The following AGAP1 variants were observed in gnomAD, a reference collection of about 807,000 sequenced individuals.
AGAP1 encodes ArfGAP with GTPase domain, ankyrin repeat and PH domain 1, also known as arf-GAP with GTPase, ANK repeat and PH domain-containing protein 1.
AGAP1 carries 29 observed loss-of-function variants against 105.3 expected under a neutral mutation model. The observed-to-expected ratio is 0.28, with a 90% CI of 0.21 to 0.38. The LOEUF is 0.38. AGAP1 is among the 10% of genes least tolerant of loss of function. AGAP1 has a pLI of 1.00. For synonymous variants in AGAP1, 509 were observed against 485.9 expected (o/e 1.05, Z -0.63); for missense variants, 998 against 1,165.1 (o/e 0.86, Z 2.09).
chr2:236,061,685 CA>C lies in AGAP1; in HGVS notation c.2114+12405del, dbSNP rs1373120314. The stretch of plus-strand genomic sequence containing the variant: ...TAATGCAAAGTAGATTCCTGCTTGC[CA>C]GGTGCAGGGGAGGGAGGGGCAGTGG... On this transcript the variant is annotated intron_variant, in intron 16 of 17. Transcript: ENST00000304032. This position sits in a 1 kb window ranked among gnomAD's most constrained non-coding sequence, Gnocchi z 4.1. 1.3e-5 allele frequency among the ~76,000 whole-genome samples: 2 copies of C among 152,006 alleles called. No individual in the cohort carries two copies. Among genetic ancestry groups the C allele is most frequent in the African/African-American group, 4.8e-5 (2 of 41,388 alleles).
intron 6 of AGAP1, chr2:235,774,568 TA>T: frequency 3.2e-6 from 1 of 308,948 alleles, no homozygotes. Context: ...CTGTCGCATT[TA>T]AAATGGAAAT....
chr2:235,671,137 GCCCT>G lies in AGAP1; in HGVS notation c.164-38038_164-38035del, dbSNP rs1324976632. ...CGGTTCCGCAGCGGCTATGGGACCC[GCCCT>G]CCCGGGTCGGGAGCCTGCACGTGGC... On this transcript the variant is annotated intron_variant, in intron 1 of 17. Coordinates refer to ENST00000304032, the MANE Select transcript of AGAP1 (RefSeq NM_001037131.3). The G allele has an allele frequency of 9.0e-6, 11 of 1,227,768 alleles. No homozygotes were observed. The African/African-American group carries it at 1.7e-4, about 19-fold the overall frequency. The allele number at this position is 1,227,768 out of a possible 1,614,324, so 76.1% of individuals were successfully genotyped here.
At chr2:235,618,795 C>T (rs1231430579) in intron 1 of AGAP1, among the ~76,000 whole-genome samples, 1 of 152,096 alleles carries the variant, frequency 6.6e-6, no homozygotes, top group Non-Finnish European at 1.5e-5. Flanking sequence ...TAATAACGGC[C>T]CCCAAAGATG....
rs567113648 is a variant in AGAP1 at position 236,062,537 on chromosome 2, A to G, written c.2114+13256A>G. Among the ~76,000 whole-genome samples, 62 of 152,210 alleles carry G rather than the reference A, an allele frequency of 4.1e-4. No homozygotes were observed. Among genetic ancestry groups the G allele is most frequent in the African/African-American group, 1.5e-3 (62 of 41,532 alleles). On this transcript the variant is annotated intron_variant, in intron 16 of 17. Transcript: ENST00000304032. The surrounding 1 kb of genome is among the most constrained non-coding windows in gnomAD (Gnocchi z 4.2). ...ATCACACAGGCTTGAATGCAGTGGC[A>G]TGATCATAGCTTACTGCAACCCCAG...
intron 13 of AGAP1, among the ~76,000 whole-genome samples, chr2:236,016,110 C>T (rs1182118739): frequency 2.0e-5 from 3 of 152,020 alleles, no homozygotes; most frequent in Non-Finnish European, 4.4e-5. Flanking sequence ...ATTTTTTAAT[C>T]ATAATTTTTT....
rs1181006662 is a variant in AGAP1 at position 235,633,231 on chromosome 2, G to T, written c.164-75948G>T. Among the ~76,000 whole-genome samples, 2 of 152,176 alleles carry T rather than the reference G, an allele frequency of 1.3e-5. No homozygotes were observed. Among genetic ancestry groups the T allele is most frequent in the East Asian group, 3.9e-4 (2 of 5,192 alleles). On this transcript the variant is annotated intron_variant, in intron 1 of 17. Coordinates refer to ENST00000304032, the MANE Select transcript of AGAP1 (RefSeq NM_001037131.3). This position sits in a 1 kb window ranked among gnomAD's most constrained non-coding sequence, Gnocchi z 4.8. ...TACGGAATGAAGACCCGAAGATTCA[G>T]GGGAGGTCGTCTGTGTGCCTTGGTT...
Position 236,045,519 on chromosome 2 carries a change from G to A in AGAP1, c.1892-3540G>A, listed in dbSNP as rs1279649342. Among the ~76,000 whole-genome samples the A allele has an allele frequency of 1.3e-5, 2 of 152,236 alleles. No homozygotes were observed. The highest frequency in any genetic ancestry group is 4.8e-5 in the African/African-American group (2 of 41,454). Reference sequence around the variant, plus strand: ...CTGAGGCCCGGAGAGCAAGAGGCTTGCAGAGGACAAAGGTGGAAAGGCAGT... The same window carrying A: ...CTGAGGCCCGGAGAGCAAGAGGCTTACAGAGGACAAAGGTGGAAAGGCAGT... On this transcript the variant is annotated intron_variant, in intron 15 of 17. Coordinates refer to ENST00000304032, the MANE Select transcript of AGAP1 (RefSeq NM_001037131.3). This position sits in a 1 kb window ranked among gnomAD's most constrained non-coding sequence, Gnocchi z 6.9.
chr2:235,621,985 A>G lies in AGAP1; in HGVS notation c.164-87194A>G, dbSNP rs1946499088. 6.6e-6 allele frequency among the ~76,000 whole-genome samples: 1 copy of G among 151,988 alleles called. No homozygotes were observed. The highest frequency in any genetic ancestry group is 2.1e-4 in the South Asian group (1 of 4,808). On this transcript the variant is annotated intron_variant, in intron 1 of 17. Coordinates refer to ENST00000304032, the MANE Select transcript of AGAP1 (RefSeq NM_001037131.3). This position sits in a 1 kb window ranked among gnomAD's most constrained non-coding sequence, Gnocchi z 4.1. ...GACTCTGTCCTTTTTGTTGTAGCTG[A>G]TGGAGCAGAATTTTAAATGCATTCC...
intron 9 of AGAP1, among the ~76,000 whole-genome samples, chr2:235,820,592 ATTG>A (rs1958735497): frequency 1.3e-5 from 2 of 152,212 alleles, no homozygotes; most frequent in Admixed American, 1.3e-4. Context: ...TTTTTACCAT[ATTG>A]TTCAGTCTCT....
chr2:235,839,367 C>G (rs1274583981), intron 9 of AGAP1, among the ~76,000 whole-genome samples: 1 of 152,224 alleles, frequency 6.6e-6, no homozygotes, highest in Admixed American at 6.5e-5. Flanking sequence ...GAGTCACACT[C>G]ATTGGGCCTG....
chr2:235,516,070 G>GCTCCTGCTGCTGCTGCTGCTC (rs1553556314), intron 1 of AGAP1, among the ~76,000 whole-genome samples: 1 of 141,734 alleles, frequency 7.1e-6, no homozygotes, highest in African/African-American at 2.5e-5. Context: ...TGCTGCTGCT[G>GCTCCTGCTGCTGCTGCTGCTC]CTGCTGCTGC....
chr2:235,895,699 TTGGATGGATGGA>T (rs113317282), intron 10 of AGAP1, among the ~76,000 whole-genome samples: 44 of 119,012 alleles, frequency 3.7e-4, no homozygotes, highest in South Asian at 1.5e-3. Flanking sequence ...CACTGGCTTG[TTGGATGGATGGA>T]TGGATGGATG....
chr2:235,670,356 G>A (rs1219668021), intron 1 of AGAP1: 3 of 525,224 alleles, frequency 5.7e-6, no homozygotes, highest in Non-Finnish European at 1.0e-5. Context: ...GAGGGTCCCC[G>A]GCCGCGCGCT....
At chr2:235,707,511 G>GC (rs374797572) in intron 1 of AGAP1, among the ~76,000 whole-genome samples, 1 of 96,520 alleles carries the variant, frequency 1.0e-5, no homozygotes, top group African/African-American at 4.9e-5. Context: ...GGGCAGATGT[G>GC]CCCCCCACTC....
intron 16 of AGAP1, among the ~76,000 whole-genome samples, chr2:236,116,584 A>G (rs752934212): frequency 4.6e-5 from 7 of 152,016 alleles, no homozygotes; most frequent in Non-Finnish European, 1.0e-4. Flanking sequence ...CCTGACCTCA[A>G]GAGAACCACC....
chr2:235,875,138 G>A lies in AGAP1; in HGVS notation c.1051-8207G>A, dbSNP rs1326499379. 6.6e-6 allele frequency among the ~76,000 whole-genome samples: 1 copy of A among 152,148 alleles called. No homozygotes were observed. Among genetic ancestry groups the A allele is most frequent in the Non-Finnish European group, 1.5e-5 (1 of 68,032 alleles). ...CCATCTGCCCTTGCTGCAAGGAGGAGGTCAGCCTTGTTTTATAAATGAGGT... is the reference window on the plus strand; with the variant it reads ...CCATCTGCCCTTGCTGCAAGGAGGAAGTCAGCCTTGTTTTATAAATGAGGT... On this transcript the variant is annotated intron_variant, in intron 9 of 17. Transcript: ENST00000304032. The surrounding 1 kb of genome is among the most constrained non-coding windows in gnomAD (Gnocchi z 4.0).
rs542618485 is a variant in AGAP1, at chr2:235,864,928, A to G, written c.1051-18417A>G. On this transcript the variant is annotated intron_variant, in intron 9 of 17. Coordinates refer to ENST00000304032, the MANE Select transcript of AGAP1 (RefSeq NM_001037131.3). This position sits in a 1 kb window ranked among gnomAD's most constrained non-coding sequence, Gnocchi z 5.0. The stretch of plus-strand genomic sequence containing the variant: ...ATGCTAGCCAGACCTAATGTGAACC[A>G]TACATCTCGTCGGCATTACTCATCG... Among the ~76,000 whole-genome samples the G allele has an allele frequency of 6.6e-6, 1 of 152,246 alleles. No homozygotes were observed. The highest frequency in any genetic ancestry group is 1.9e-4 in the East Asian group (1 of 5,160).
intron 1 of AGAP1, among the ~76,000 whole-genome samples, chr2:235,630,307 G>A (rs1193491624): frequency 6.6e-6 from 1 of 151,904 alleles, no homozygotes; most frequent in Non-Finnish European, 1.5e-5. Context: ...TCTGCTTCCC[G>A]GGTTCATCCA....
intron 16 of AGAP1, among the ~76,000 whole-genome samples, chr2:236,118,830 C>G (rs2059833720): frequency 6.6e-6 from 1 of 152,106 alleles, no homozygotes; most frequent in African/African-American, 2.4e-5. Context: ...CCCCCACCAC[C>G]CTACCTTTTT....
Sources: gnomAD v4.1 joint callset for allele counts (sites outside exome capture counted in the v4.1 genomes callset) on GRCh38, gnomAD v4.1.1 for gene constraint, Gnocchi (gnomAD v3.1) non-coding constraint, MANE v1.5 for transcripts, NCBI Gene and HGNC (gene_info 2026-07-23, HGNC 2026-07-21) for gene names.